ERMP1: variants seen among roughly 807,000 people sequenced by gnomAD.
ERMP1 encodes endoplasmic reticulum metallopeptidase 1, also known as Felix-ina.
ERMP1 carries 86 observed loss-of-function variants against 92.0 expected under a neutral mutation model. That is an observed-to-expected ratio of 0.93 (90% CI 0.79 to 1.12). ERMP1 has a LOEUF of 1.12. Among genes scored for constraint, ERMP1 ranks in the 50% most tolerant of loss-of-function variants. The pLI, the probability that ERMP1 is intolerant of heterozygous loss-of-function variation, is 0.00. For missense variants in ERMP1, 1,342 were observed against 1,116.3 expected, an observed-to-expected ratio of 1.20 and a Z score of -2.88; for synonymous variants, 530 against 412.8, an observed-to-expected ratio of 1.28 and a Z score of -3.44.
At chr9:5,830,054 G>A (rs765579887) in intron 2 of ERMP1, among the ~76,000 whole-genome samples, 1 of 152,194 alleles carries the variant, frequency 6.6e-6, no homozygotes, top group Non-Finnish European at 1.5e-5. Flanking sequence ...TACTTTAACA[G>A]TATGGCACCC....
intron 4 of ERMP1, among the ~76,000 whole-genome samples, chr9:5,815,019 A>G (rs922835843): frequency 3.3e-5 from 5 of 152,174 alleles, no homozygotes; most frequent in Admixed American, 6.5e-5. Flanking sequence ...GATTAAAATT[A>G]AAGCATAAAA....
intron 13 of ERMP1, among the ~76,000 whole-genome samples, chr9:5,795,186 A>G (rs1311847087): frequency 6.6e-6 from 1 of 152,188 alleles, no homozygotes; most frequent in Non-Finnish European, 1.5e-5. Flanking sequence ...CAACTGACAA[A>G]ATCCAAGACC....
At chr9:5,860,282 CCT>C (rs968751754) in intron 5 of ERMP1, among the ~76,000 whole-genome samples, 15 of 150,034 alleles carry the variant, frequency 1.0e-4, no homozygotes, top group African/African-American at 3.4e-4. Context: ...GCAGCCAGAC[CCT>C]GTTTCCAAAA....
Position 5,798,823 on chromosome 9 carries a change from T to G in ERMP1, c.2253A>C (p.Pro751=). 1 of 1,612,850 alleles carries G rather than the reference T, an allele frequency of 6.2e-7. No homozygotes were observed. Among genetic ancestry groups the G allele is most frequent in the Non-Finnish European group, 8.5e-7 (1 of 1,178,946 alleles). The change falls in exon 12 of 15, where the codon CCA becomes CCC. Residue 751 remains proline, a synonymous_variant. Transcript: ENST00000339450. ...APLCGFPWYL[P]VHFLIRKNWY... is the part of the protein sequence containing the mutation. ...GAACCAACCTGATCAGAAAGTGCAC[T>G]GGAAGATACCAAGGAAAACCACAAA...
chr9:5,853,309 T>A (rs759601160), intron 6 of ERMP1, among the ~76,000 whole-genome samples: 16 of 152,130 alleles, frequency 1.1e-4, no homozygotes. Context: ...AACTGCTATT[T>A]CTCCATTGCT....
At chr9:5,816,939 C>T (rs1829332420) in intron 4 of ERMP1, among the ~76,000 whole-genome samples, 1 of 149,150 alleles carries the variant, frequency 6.7e-6, no homozygotes, top group Admixed American at 6.7e-5. Context: ...CGCTCTGTCT[C>T]CCAGGCTGGA....
intron 13 of ERMP1, among the ~76,000 whole-genome samples, chr9:5,788,341 A>C (rs1421019722): frequency 6.6e-6 from 1 of 152,202 alleles, no homozygotes; most frequent in African/African-American, 2.4e-5. Context: ...AGTCAAAGAA[A>C]GGTTTACAGG....
At position 5,809,991 on chromosome 9, in the gene ERMP1, C is replaced by T; in HGVS notation, c.1548+20G>A. ...CCTGGAGGCAACAGAAAGAAATCAA[C>T]AAATATACCAAACACTTACCATGTA... On this transcript the variant is annotated intron_variant, in intron 8 of 14. Coordinates refer to ENST00000339450, the MANE Select transcript of ERMP1 (RefSeq NM_024896.3). The T allele has an allele frequency of 6.6e-7, 1 of 1,516,804 alleles. No individual in the cohort carries two copies. The highest frequency in any genetic ancestry group is 1.7e-4 in the Middle Eastern group (1 of 5,864). The allele number at this position is 1,516,804 out of a possible 1,614,324, so 94.0% of individuals were successfully genotyped here.
At chr9:5,861,189 G>GTGTGTA (rs1830480703) in intron 5 of ERMP1, among the ~76,000 whole-genome samples, 1 of 140,306 alleles carries the variant, frequency 7.1e-6, no homozygotes, top group Admixed American at 7.2e-5. Flanking sequence ...GTGTGTGTGT[G>GTGTGTA]TGTGTGTGTG....
At chr9:5,853,817 A>G (rs1274189650) in intron 6 of ERMP1, among the ~76,000 whole-genome samples, 1 of 150,042 alleles carries the variant, frequency 6.7e-6, no homozygotes, top group East Asian at 1.9e-4. Context: ...AGTAATTTGC[A>G]ATTCTAACAC....
chr9:5,795,620 T>A (rs10975285), intron 13 of ERMP1, among the ~76,000 whole-genome samples: 48,287 of 151,632 alleles, frequency 0.32, 8,810 homozygotes, highest in East Asian at 0.75. Context: ...TCTACTAAAA[T>A]TACAAAAATT....
rs1176022949 is a variant in ERMP1 at position 5,832,826 on chromosome 9, G to C, written c.202C>G (p.Leu68Val). Residue 68 changes from leucine (L) to valine (V), a missense_variant, in exon 1 of 15, where the codon CTG becomes GTG. Coordinates refer to ENST00000339450, the MANE Select transcript of ERMP1 (RefSeq NM_024896.3). ...GGASRGAGTG[L>V]SEVRAALGLA... Reference sequence around the variant, plus strand: ...CCCAGCGCGGCGCGCACCTCAGACAGCCCGGTCCCCGCGCCCCTGCTCGCG... The same window carrying C: ...CCCAGCGCGGCGCGCACCTCAGACACCCCGGTCCCCGCGCCCCTGCTCGCG... 1 of 1,502,358 alleles carries C rather than the reference G, an allele frequency of 6.7e-7. No homozygotes were observed. The highest frequency in any genetic ancestry group is 8.8e-7 in the Non-Finnish European group (1 of 1,133,818). 93.1% of individuals were successfully genotyped at this position (1,502,358 alleles called of 1,614,324 possible).
intron 8 of ERMP1, among the ~76,000 whole-genome samples, 187 bp from the exon 9 acceptor site, chr9:5,805,972 A>G (rs1466860032): frequency 6.6e-6 from 1 of 152,242 alleles, no homozygotes; most frequent in Non-Finnish European, 1.5e-5. Flanking sequence ...GTAAATTCAA[A>G]TGTAGCACAA....
At chr9:5,836,252 C>T (rs1173534520), upstream of ERMP1, among the ~76,000 whole-genome samples, 1 of 152,166 alleles carries the variant, frequency 6.6e-6, no homozygotes, top group African/African-American at 2.4e-5. Context: ...GCCAATTTGC[C>T]GTAGAAGAAA....
chr9:5,799,774 C>A (rs1361229793), intron 11 of ERMP1, among the ~76,000 whole-genome samples: 1 of 152,096 alleles, frequency 6.6e-6, no homozygotes, highest in Admixed American at 6.5e-5. Flanking sequence ...GAAGAGAACC[C>A]CCAAACAAAT....
chr9:5,802,358 T>A (rs1401796708), intron 10 of ERMP1, among the ~76,000 whole-genome samples: 1 of 152,184 alleles, frequency 6.6e-6, no homozygotes, highest in Non-Finnish European at 1.5e-5. Flanking sequence ...CTTATTTCCA[T>A]AAGTAGAAAA....
intron 2 of ERMP1, among the ~76,000 whole-genome samples, chr9:5,826,954 G>T (rs1829751095): frequency 6.6e-6 from 1 of 152,174 alleles, no homozygotes; most frequent in African/African-American, 2.4e-5. Context: ...TTAAGAAAGG[G>T]AAGGAAAGTT....
chr9:5,798,007 G>A (rs1472980887), intron 12 of ERMP1, 75 bp from the exon 13 acceptor site: 1 of 893,832 alleles, frequency 1.1e-6, no homozygotes. Context: ...GAACTGTTCA[G>A]CATATATGAA....
chr9:5,840,970 G>A (rs1327564955), intron 6 of ERMP1, among the ~76,000 whole-genome samples: 1 of 152,214 alleles, frequency 6.6e-6, no homozygotes, highest in African/African-American at 2.4e-5. Context: ...CTTGTCACAT[G>A]AGCCTGAGGC....
Sources: allele counts gnomAD v4.1 joint callset (sites outside exome capture counted in the v4.1 genomes callset), GRCh38; gene constraint gnomAD v4.1.1; transcripts MANE v1.5; gene names NCBI Gene and HGNC (gene_info 2026-07-23, HGNC 2026-07-21).